SH3RF2: variants seen among roughly 807,000 people sequenced by gnomAD.
The protein encoded by SH3RF2 is SH3 domain containing ring finger 2, also known as E3 ubiquitin-protein ligase SH3RF2.
In SH3RF2, 43 loss-of-function variants were observed where a neutral mutation model predicts 59.0. The observed-to-expected ratio is 0.73, with a 90% CI of 0.57 to 0.94. The LOEUF is 0.94. Among genes scored for constraint, SH3RF2 ranks in the 40% least tolerant of loss-of-function variants. The pLI is 0.00. For missense variants in SH3RF2, 930 were observed against 940.1 expected, an observed-to-expected ratio of 0.99 and a Z score of 0.14; for synonymous variants, 391 against 391.5, an observed-to-expected ratio of 1.00 and a Z score of 0.01.
chr5:145,938,246 C>T lies in SH3RF2; in HGVS notation c.318C>T (p.Pro106=). ...LQDGRKSRTN[P]RRLQASPFRL... is the part of the protein sequence containing the mutation. ...ATGGCAGGAAAAGCAGGACCAACCCCAGACGTCTGCAGGCCAGTCCTTTCC... is the reference window on the plus strand; with the variant it reads ...ATGGCAGGAAAAGCAGGACCAACCCTAGACGTCTGCAGGCCAGTCCTTTCC... Residue 106 remains proline, a synonymous_variant, in exon 2 of 10, where the codon CCC becomes CCT. Transcript: ENST00000359120. 2.5e-6 allele frequency: 4 copies of T among 1,606,796 alleles called. No individual in the cohort carries two copies. The highest frequency in any genetic ancestry group is 2.2e-5 in the South Asian group (2 of 90,478).
chr5:145,995,992 C>T (rs138694048), intron 2 of SH3RF2, among the ~76,000 whole-genome samples: 30 of 152,216 alleles, frequency 2.0e-4, no homozygotes, highest in African/African-American at 7.2e-4. Flanking sequence ...TGTTAAACCC[C>T]CTAGCACATA....
chr5:145,953,695 C>T (rs1285535332), intron 2 of SH3RF2, among the ~76,000 whole-genome samples: 1 of 152,096 alleles, frequency 6.6e-6, no homozygotes, highest in South Asian at 2.1e-4. Flanking sequence ...TTTTTCTGCT[C>T]CTCTCCCTCC....
intron 4 of SH3RF2, among the ~76,000 whole-genome samples, chr5:146,011,563 C>T (rs545396677): frequency 1.4e-4 from 22 of 152,160 alleles, no homozygotes; most frequent in African/African-American, 1.7e-4. Context: ...TGTTGAGCAG[C>T]GGTTTGTAGT....
At chr5:146,053,519 T>C (rs879261329) in intron 7 of SH3RF2, among the ~76,000 whole-genome samples, 3 of 152,022 alleles carry the variant, frequency 2.0e-5, no homozygotes, top group Non-Finnish European at 2.9e-5. Flanking sequence ...TCTCAGCCAA[T>C]ATGACATTCC....
intron 2 of SH3RF2, among the ~76,000 whole-genome samples, chr5:145,946,772 T>TA (rs1758018229): frequency 6.6e-6 from 1 of 152,146 alleles, no homozygotes; most frequent in African/African-American, 2.4e-5. Flanking sequence ...CACTTCATCT[T>TA]AACTGACACT....
At chr5:146,061,606 C>T (rs557479724) in intron 9 of SH3RF2, among the ~76,000 whole-genome samples, 6 of 152,270 alleles carry the variant, frequency 3.9e-5, no homozygotes, top group Non-Finnish European at 5.9e-5. Flanking sequence ...TACCACAGAA[C>T]GCTTTATTAG....
intron 5 of SH3RF2, among the ~76,000 whole-genome samples, chr5:146,045,635 C>T (rs549635517): frequency 1.3e-4 from 20 of 152,286 alleles, no homozygotes; most frequent in African/African-American, 4.6e-4. Flanking sequence ...AAGGTTCATC[C>T]ATGTTCTCTT....
At chr5:146,053,811 C>T (rs1212343107) in intron 7 of SH3RF2, among the ~76,000 whole-genome samples, 1 of 152,156 alleles carries the variant, frequency 6.6e-6, no homozygotes, top group African/African-American at 2.4e-5. Context: ...AAATGGGCCA[C>T]CACTCATTTG....
At chr5:146,019,809 C>A (rs918208000) in intron 5 of SH3RF2, among the ~76,000 whole-genome samples, 1 of 151,946 alleles carries the variant, frequency 6.6e-6, no homozygotes. Context: ...TTGTAGAGAT[C>A]TTTCACCTCC....
At chr5:145,982,553 T>C (rs908082774) in intron 2 of SH3RF2, among the ~76,000 whole-genome samples, 1 of 152,184 alleles carries the variant, frequency 6.6e-6, no homozygotes, top group Admixed American at 6.6e-5. Flanking sequence ...GGGGTTCTGG[T>C]AGGACATATT....
At chr5:145,947,422 C>T (rs889338969) in intron 2 of SH3RF2, among the ~76,000 whole-genome samples, 2 of 152,130 alleles carry the variant, frequency 1.3e-5, no homozygotes, top group Admixed American at 6.5e-5. Flanking sequence ...AATAGTAAGG[C>T]TCACCTCATA....
rs1760185225 is a variant in SH3RF2, at chr5:145,996,988, T to G, written c.379-3070T>G. Among the ~76,000 whole-genome samples the G allele has an allele frequency of 3.9e-5, 6 of 152,186 alleles. No individual in the cohort carries two copies. In the South Asian group the frequency reaches 1.2e-3, roughly 32 times the overall value. ...ATAGGAAGTGCTCGGTAATTAGTTA[T>G]TAATGTTATGTAGGTGTCGTCTGAA... On this transcript the variant is annotated intron_variant, in intron 2 of 9. Coordinates refer to ENST00000359120, the MANE Select transcript of SH3RF2 (RefSeq NM_152550.4).
At chr5:145,997,095 G>A (rs748414073) in intron 2 of SH3RF2, 8 of 589,828 alleles carry the variant, frequency 1.4e-5, no homozygotes, top group Middle Eastern at 4.7e-4. Context: ...AGGTAAACTC[G>A]TATCACGGGC....
rs375118719 is a variant in SH3RF2, at chr5:146,049,147, G to A, written c.1224G>A (p.Arg408=). The A allele has an allele frequency of 1.2e-5, 20 of 1,614,000 alleles. No individual in the cohort carries two copies. The highest frequency in any genetic ancestry group is 1.6e-5 in the Non-Finnish European group (19 of 1,180,020). The stretch of plus-strand genomic sequence containing the variant: ...ACCTGCAAAAGGGAGAAGGCGTCAG[G>A]GTCCTGGGGAAGTGCCAGGACGGCT... ...ELDLQKGEGV[R]VLGKCQDGWL... Residue 408 remains arginine (R), a synonymous_variant, in exon 7 of 10, where the codon AGG becomes AGA. Coordinates refer to ENST00000359120, the MANE Select transcript of SH3RF2 (RefSeq NM_152550.4).
intron 5 of SH3RF2, among the ~76,000 whole-genome samples, chr5:146,038,124 T>C (rs937490490): frequency 1.3e-5 from 2 of 152,364 alleles, no homozygotes; most frequent in Middle Eastern, 6.8e-3. Flanking sequence ...TAAAATTTTA[T>C]GTCCATTCAT....
chr5:145,966,103 G>A (rs1758847035), intron 2 of SH3RF2, among the ~76,000 whole-genome samples: 1 of 152,198 alleles, frequency 6.6e-6, no homozygotes, highest in Non-Finnish European at 1.5e-5. Context: ...GCGTGAGGGA[G>A]GCAAGGACAC....
intron 2 of SH3RF2, among the ~76,000 whole-genome samples, chr5:145,940,646 C>A (rs1367648923): frequency 6.6e-6 from 1 of 152,224 alleles, no homozygotes; most frequent in African/African-American, 2.4e-5. Context: ...ATCTTTGCAA[C>A]ATACTTTTAC....
At chr5:145,962,817 T>C (rs1758680569) in intron 2 of SH3RF2, among the ~76,000 whole-genome samples, 1 of 151,896 alleles carries the variant, frequency 6.6e-6, no homozygotes, top group South Asian at 2.1e-4. Context: ...CTCCCTTTAA[T>C]GGCATCTATT....
intron 5 of SH3RF2, among the ~76,000 whole-genome samples, chr5:146,031,778 A>C (rs1159778365): frequency 6.6e-6 from 1 of 152,170 alleles, no homozygotes; most frequent in African/African-American, 2.4e-5. Context: ...TCAGAAGGAC[A>C]AAATCAACTG....
Sources: gnomAD v4.1 joint callset for allele counts (sites outside exome capture counted in the v4.1 genomes callset) on GRCh38, gnomAD v4.1.1 for gene constraint, MANE v1.5 for transcripts, NCBI Gene and HGNC (gene_info 2026-07-23, HGNC 2026-07-21) for gene names.